Variants in PDE1C observed in about 807,000 individuals in gnomAD.
PDE1C encodes dual specificity calcium/calmodulin-dependent 3',5'-cyclic nucleotide phosphodiesterase 1C.
PDE1C carries 62 observed loss-of-function variants against 93.1 expected under a neutral mutation model. The observed-to-expected ratio is 0.67, with a 90% CI of 0.54 to 0.82. The LOEUF (loss-of-function observed/expected upper bound fraction) is 0.82. Among genes scored for constraint, PDE1C ranks in the 40% least tolerant of loss-of-function variants. The probability of loss-of-function intolerance (pLI) is 0.00; values close to 1 mark genes in which losing one functional copy is unlikely to be tolerated. For synonymous variants in PDE1C, 325 were observed against 310.1 expected (o/e 1.05, Z -0.50); for missense variants, 742 against 884.6 (o/e 0.84, Z 2.04).
In PDE1C at chr7:32,319,479, G is replaced by A. The variant is rs1375509094; in HGVS notation, c.310+108343C>T. Among the ~76,000 whole-genome samples, 4 of 152,138 alleles carry A rather than the reference G, an allele frequency of 2.6e-5. No individual in the cohort carries two copies. In the East Asian group the frequency reaches 7.7e-4, roughly 29 times the overall value. On this transcript the variant is annotated intron_variant, in intron 1 of 1. Transcript: ENST00000672256. ...CCGGAGAACCAGCTGGGAAAGTTAGGGGATCTCCCCCAGGCCCCTGGATTG... is the reference window on the plus strand; with the variant it reads ...CCGGAGAACCAGCTGGGAAAGTTAGAGGATCTCCCCCAGGCCCCTGGATTG...
the PDE1C span, among the ~76,000 whole-genome samples, chr7:31,687,756 G>C: frequency 6.6e-6 from 1 of 152,086 alleles, no homozygotes; most frequent in Admixed American, 6.5e-5. Flanking sequence ...CAATCCTCTG[G>C]TTAAAAAGAG....
intron 3 of PDE1C, among the ~76,000 whole-genome samples, chr7:32,165,112 T>C (rs929615879): frequency 9.9e-5 from 15 of 152,178 alleles, no homozygotes; most frequent in African/African-American, 3.6e-4. Context: ...ATGCCACAAG[T>C]TTAGTGAGCT....
intron 1 of PDE1C, among the ~76,000 whole-genome samples, chr7:32,297,860 T>G (rs895367548): frequency 6.6e-6 from 1 of 152,134 alleles, no homozygotes; most frequent in African/African-American, 2.4e-5. Context: ...AATTGGCCTC[T>G]TTTTCTGCTT....
chr7:31,943,120 T>TC (rs1806074596), intron 2 of PDE1C, among the ~76,000 whole-genome samples: 3 of 152,190 alleles, frequency 2.0e-5, no homozygotes, highest in Admixed American at 2.0e-4. Flanking sequence ...GGTTAGGCCA[T>TC]CCCCCAAAAA....
chr7:31,676,060 T>C, the PDE1C span, among the ~76,000 whole-genome samples: 1 of 152,168 alleles, frequency 6.6e-6, no homozygotes, highest in Non-Finnish European at 1.5e-5. Flanking sequence ...GCTTTGTACA[T>C]GCTCCAGAGT....
chr7:32,098,614 A>G (rs985180689), intron 3 of PDE1C, among the ~76,000 whole-genome samples: 24 of 152,322 alleles, frequency 1.6e-4, no homozygotes, highest in African/African-American at 5.8e-4. Flanking sequence ...ACTGATTCCA[A>G]AGCTCTTACT....
At chr7:31,671,101 C>A in the PDE1C span, among the ~76,000 whole-genome samples, 1 of 152,170 alleles carries the variant, frequency 6.6e-6, no homozygotes, top group African/African-American at 2.4e-5. Flanking sequence ...GTTCATGCGA[C>A]CTAATTCCTC....
intron 1 of PDE1C, among the ~76,000 whole-genome samples, chr7:32,411,586 A>G (rs1785170653): frequency 6.6e-6 from 1 of 152,230 alleles, no homozygotes; most frequent in African/African-American, 2.4e-5. Context: ...TGGGTGAGTC[A>G]GTGAGTGAAT....
At chr7:32,427,336 A>T (rs1222217209) in intron 1 of PDE1C, among the ~76,000 whole-genome samples, 1 of 152,054 alleles carries the variant, frequency 6.6e-6, no homozygotes, top group East Asian at 1.9e-4. Context: ...CAGCACGTCC[A>T]CCTCTGACTT....
intron 1 of PDE1C, among the ~76,000 whole-genome samples, chr7:32,235,688 G>A (rs1808024639): frequency 6.6e-6 from 1 of 151,954 alleles, no homozygotes; most frequent in South Asian, 2.1e-4. Flanking sequence ...TTGTGGTCCA[G>A]GGCTGGAAGA....
At chr7:31,655,043 TA>T in the PDE1C span, among the ~76,000 whole-genome samples, 115 of 152,268 alleles carry the variant, frequency 7.6e-4, 1 homozygote, top group Admixed American at 7.5e-3. Flanking sequence ...GTCCTCAGTA[TA>T]CACACACACT....
At chr7:32,253,968 G>A (rs1217410777) in intron 1 of PDE1C, among the ~76,000 whole-genome samples, 1 of 152,146 alleles carries the variant, frequency 6.6e-6, no homozygotes, top group African/African-American at 2.4e-5. Context: ...TCAGCATGAC[G>A]CATTTGGAAA....
the PDE1C span, among the ~76,000 whole-genome samples, chr7:31,699,960 T>TCTCTCC: frequency 1.3e-5 from 2 of 152,008 alleles, no homozygotes; most frequent in Non-Finnish European, 2.9e-5. Context: ...TTCCCCTATC[T>TCTCTCC]CTCTCCCTCT....
intron 2 of PDE1C, among the ~76,000 whole-genome samples, chr7:32,042,491 T>C (rs1288376295): frequency 1.3e-5 from 2 of 152,190 alleles, no homozygotes; most frequent in Non-Finnish European, 1.5e-5. Context: ...AGGATCATTG[T>C]GAAGATCAAA....
intron 2 of PDE1C, among the ~76,000 whole-genome samples, chr7:32,197,645 C>G (rs1256076468): frequency 6.6e-6 from 1 of 152,152 alleles, no homozygotes; most frequent in Non-Finnish European, 1.5e-5. Context: ...ACACATGTTA[C>G]AACATGGATG....
rs556946509 is a variant in PDE1C, at chr7:31,948,412, GCT to G, written c.129-67554_129-67553del. On this transcript the variant is annotated intron_variant, in intron 2 of 17. Transcript: ENST00000396191. ...CTTTAACACAACAGTTTACACATTG[GCT>G]GAAGAAAGTATTATCTGAAGCTTAA... Among the ~76,000 whole-genome samples, 35 of 152,278 alleles carry G rather than the reference GCT, an allele frequency of 2.3e-4. 1 individual carries two copies. The highest frequency in any genetic ancestry group is 8.4e-4 in the African/African-American group (35 of 41,552).
chr7:31,713,022 T>C, the PDE1C span, among the ~76,000 whole-genome samples: 1 of 152,172 alleles, frequency 6.6e-6, no homozygotes, highest in African/African-American at 2.4e-5. Flanking sequence ...TCTCATGTCC[T>C]CACATTTCAA....
intron 2 of PDE1C, among the ~76,000 whole-genome samples, chr7:32,046,408 G>T (rs1792574951): frequency 6.6e-6 from 1 of 152,090 alleles, no homozygotes; most frequent in South Asian, 2.1e-4. Context: ...ATATGATAAT[G>T]TAAGTATCCT....
intron 1 of PDE1C, among the ~76,000 whole-genome samples, chr7:32,243,104 G>T (rs1156296600): frequency 6.6e-6 from 1 of 152,212 alleles, no homozygotes; most frequent in Admixed American, 6.5e-5. Context: ...CTCTTTGGCA[G>T]ATTAGGATGG....
Sources: allele counts gnomAD v4.1 joint callset (sites outside exome capture counted in the v4.1 genomes callset), GRCh38; gene constraint gnomAD v4.1.1; transcripts MANE v1.5; gene names NCBI Gene and HGNC (gene_info 2026-07-23, HGNC 2026-07-21).